COL25A1: variants seen among roughly 807,000 people sequenced by gnomAD.
The protein encoded by COL25A1 is collagen type XXV alpha 1 chain.
COL25A1 carries 103 observed loss-of-function variants against 128.4 expected under a neutral mutation model. That is an observed-to-expected ratio of 0.80 (90% CI 0.68 to 0.94). The LOEUF (loss-of-function observed/expected upper bound fraction) is 0.94. COL25A1 is among the 40% of genes least tolerant of loss of function. The pLI is 0.00. For synonymous variants in COL25A1, 279 were observed against 277.2 expected, an observed-to-expected ratio of 1.01 and a Z score of -0.06; for missense variants, 745 against 840.0, an observed-to-expected ratio of 0.89 and a Z score of 1.40.
At chr4:108,826,542 G>GATA (rs1230045124) in intron 33 of COL25A1, among the ~76,000 whole-genome samples, 2 of 151,888 alleles carry the variant, frequency 1.3e-5, no homozygotes, top group Non-Finnish European at 2.9e-5. Context: ...CATCTCAAAT[G>GATA]ATAATAATAA....
At chr4:109,164,518 G>C (rs76085791) in intron 3 of COL25A1, among the ~76,000 whole-genome samples, 3,484 of 152,242 alleles carry the variant, frequency 0.023, 116 homozygotes, top group African/African-American at 0.072. Flanking sequence ...AATGTTAAGA[G>C]ACAGGATTTG....
intron 3 of COL25A1, among the ~76,000 whole-genome samples, chr4:109,147,346 A>G (rs551883710): frequency 2.0e-5 from 3 of 152,190 alleles, no homozygotes; most frequent in Non-Finnish European, 4.4e-5. Flanking sequence ...AGGAGGCTTC[A>G]CTTTGCTCAC....
rs757371355 is a variant in COL25A1, at chr4:109,301,951, G to A, written c.69C>T (p.Ala23=). 1.2e-6 allele frequency: 2 copies of A among 1,612,712 alleles called. No homozygotes were observed. The highest frequency in any genetic ancestry group is 3.3e-5 in the Admixed American group (2 of 60,004). The change falls in exon 2 of 38, where the codon GCC becomes GCT. Residue 23 remains alanine (A), a synonymous_variant. Coordinates refer to ENST00000399132, the MANE Select transcript of COL25A1 (RefSeq NM_198721.4). The stretch of plus-strand genomic sequence containing the variant: ...GCATGGTCCGGGCACAATGCTGTTC[G>A]GCAGGGGTCGGGTCCTCGGATCTGG... ...REPRSEDPTP[A]EQHCARTMPP... is the part of the protein sequence containing the mutation.
rs563756538 is a variant in COL25A1, at chr4:109,180,827, G to C, written c.367+119756C>G. Among the ~76,000 whole-genome samples the C allele has an allele frequency of 2.0e-5, 3 of 152,180 alleles. No individual in the cohort carries two copies. The East Asian group carries it at 5.8e-4, about 29-fold the overall frequency. On this transcript the variant is annotated intron_variant, in intron 3 of 37. Transcript: ENST00000399132. The stretch of plus-strand genomic sequence containing the variant: ...TTTGCAAGTTACTCACATTTTCAAT[G>C]AAAAGATTAAATATTCATTGGCTAA...
In COL25A1 at chr4:109,300,597, C is replaced by T. The variant is rs773439410; in HGVS notation, c.353G>A (p.Cys118Tyr). The change falls in exon 3 of 38, where the codon TGT becomes TAT. Residue 118 changes from cysteine to tyrosine, a missense_variant. By Grantham distance (194) the Cys-to-Tyr change is radical (BLOSUM62 -2). Around this residue, in one of 3 missense-constraint regions of COL25A1, gnomAD observed 319 missense variants for 324.9 expected, o/e 0.98. Transcript: ENST00000399132. The stretch of plus-strand genomic sequence containing the variant: ...TTCCATTTTACCTGCTGGGCAGTTA[C>T]ATTCTGAAGGTGCTTCTCTTGCGAT... ...IRIAREAPSE[C>Y]NCPAGPPGKR... 1.2e-6 allele frequency: 2 copies of T among 1,611,096 alleles called. No individual in the cohort carries two copies. The highest frequency in any genetic ancestry group is 1.7e-6 in the Non-Finnish European group (2 of 1,177,272).
At chr4:109,224,797 G>A (rs182232018) in intron 3 of COL25A1, among the ~76,000 whole-genome samples, 315 of 152,132 alleles carry the variant, frequency 2.1e-3, no homozygotes, top group African/African-American at 6.5e-3. Flanking sequence ...AAAATTAGCC[G>A]GGTGTGGTGG....
At chr4:109,218,363 T>C (rs1560887134) in intron 3 of COL25A1, among the ~76,000 whole-genome samples, 6 of 135,798 alleles carry the variant, frequency 4.4e-5, no homozygotes, top group African/African-American at 1.7e-4. Context: ...TGGGGTTTTT[T>C]TTTTTTTTTT....
intron 6 of COL25A1, 100 bp from the exon 7 acceptor site, chr4:108,974,659 A>AGAT: frequency 1.0e-6 from 1 of 968,822 alleles, no homozygotes; most frequent in Admixed American, 2.7e-5. Context: ...AAGAATACAG[A>AGAT]GATAGCTGTC....
At position 108,808,923 on chromosome 4, in the gene COL25A1, A is replaced by G. The variant is rs1730585429; in HGVS notation, c.*5004T>C. On this transcript the variant is annotated 3_prime_UTR_variant, in exon 38 of 38. Coordinates refer to ENST00000399132, the MANE Select transcript of COL25A1 (RefSeq NM_198721.4). ...GCAAATAAAAACAAACTGGAAACTG[A>G]ACACAATGCAATTATCTCCAAACCG... is the stretch of plus-strand genomic sequence containing the variant. 6.6e-6 allele frequency: 1 copy of G among 152,220 alleles called. No homozygotes were observed. Among genetic ancestry groups the G allele is most frequent in the African/African-American group, 2.4e-5 (1 of 41,470 alleles). The allele number at this position is 152,220 out of a possible 1,614,324, so 9.4% of individuals were successfully genotyped here.
rs542476526 is a variant in COL25A1, at chr4:108,827,706, T to C, written c.1711-518A>G. Among the ~76,000 whole-genome samples, 9 of 152,172 alleles carry C rather than the reference T, an allele frequency of 5.9e-5. 1 individual carries two copies. In the South Asian group the frequency reaches 1.5e-3, roughly 25 times the overall value. On this transcript the variant is annotated intron_variant, in intron 32 of 37. Transcript: ENST00000399132. ...TATGCCCAGGTAGTTTTTAAATTAT[T>C]TGTAGAGATTACTATGTTGTCCAGG... is the stretch of plus-strand genomic sequence containing the variant.
chr4:108,899,273 G>C (rs986194141), intron 14 of COL25A1, 93 bp from the exon 15 acceptor site: 1 of 1,141,910 alleles, frequency 8.8e-7, no homozygotes, highest in Non-Finnish European at 1.3e-6. Context: ...AACTTACTAG[G>C]TAAATTATGC....
chr4:108,874,012 C>T (rs947997146), intron 19 of COL25A1, among the ~76,000 whole-genome samples: 1 of 152,028 alleles, frequency 6.6e-6, no homozygotes, highest in Non-Finnish European at 1.5e-5. Context: ...GCAATGACAG[C>T]CTAAGTTTAT....
intron 3 of COL25A1, among the ~76,000 whole-genome samples, chr4:109,219,861 C>T (rs1336736611): frequency 6.6e-6 from 1 of 152,164 alleles, no homozygotes. Flanking sequence ...TGTTATCCTA[C>T]TAAACAGAAA....
chr4:108,830,967 C>A (rs1733023512), intron 32 of COL25A1, among the ~76,000 whole-genome samples: 1 of 152,344 alleles, frequency 6.6e-6, no homozygotes, highest in African/African-American at 2.4e-5. Flanking sequence ...AGAAATATGA[C>A]AATTGCACAT....
intron 3 of COL25A1, among the ~76,000 whole-genome samples, chr4:109,152,477 G>A (rs1236559556): frequency 6.6e-6 from 1 of 152,096 alleles, no homozygotes; most frequent in Non-Finnish European, 1.5e-5. Flanking sequence ...AAAAATACCA[G>A]TATTTCCACA....
At chr4:109,021,088 A>G (rs569576982) in intron 5 of COL25A1, among the ~76,000 whole-genome samples, 1 of 152,318 alleles carries the variant, frequency 6.6e-6, no homozygotes, top group African/African-American at 2.4e-5. Flanking sequence ...CACATAGGTA[A>G]ACAACCAATA....
At chr4:109,200,979 C>T (rs893228735) in intron 3 of COL25A1, among the ~76,000 whole-genome samples, 1 of 152,056 alleles carries the variant, frequency 6.6e-6, no homozygotes, top group Non-Finnish European at 1.5e-5. Context: ...TATCTCCTAC[C>T]CATATCACTA....
intron 13 of COL25A1, among the ~76,000 whole-genome samples, chr4:108,905,387 T>A (rs1204650887): frequency 6.6e-6 from 1 of 152,104 alleles, no homozygotes; most frequent in Non-Finnish European, 1.5e-5. Flanking sequence ...AAAATGATAA[T>A]TTTGAATAGA....
At chr4:108,851,073 T>A (rs922567700) in intron 26 of COL25A1, among the ~76,000 whole-genome samples, 1 of 152,122 alleles carries the variant, frequency 6.6e-6, no homozygotes, top group African/African-American at 2.4e-5. Flanking sequence ...TGGTTGGTTC[T>A]ACACAAAGGA....
Sources: gnomAD v4.1 joint callset for allele counts (sites outside exome capture counted in the v4.1 genomes callset) on GRCh38, gnomAD v4.1.1 for gene constraint, gnomAD v4.1.1 regional missense constraint, MANE v1.5 for transcripts, NCBI Gene and HGNC (gene_info 2026-07-23, HGNC 2026-07-21) for gene names.